Variants in AKT3 observed in about 807,000 individuals in gnomAD.
The protein encoded by AKT3 is AKT serine/threonine kinase 3, also known as RAC-gamma serine/threonine-protein kinase.
AKT3 carries 15 observed loss-of-function variants against 65.3 expected under a neutral mutation model. The observed-to-expected ratio is 0.23, with a 90% confidence interval of 0.15 to 0.35. The LOEUF is 0.35. Ranked by LOEUF, AKT3 falls within the 10% of genes least tolerant of loss-of-function variation. The pLI is 1.00. For synonymous variants in AKT3, 206 were observed against 183.8 expected, an observed-to-expected ratio of 1.12 and a Z score of -0.98; for missense variants, 243 against 576.5, an observed-to-expected ratio of 0.42 and a Z score of 5.92.
At chr1:243,624,987 C>A in intron 6 of AKT3, 1 of 354,900 alleles carries the variant, frequency 2.8e-6, no homozygotes, top group East Asian at 7.7e-5. Flanking sequence ...AAAGCCCATC[C>A]CTAGAGCCTT....
chr1:243,764,554 AAAGAG>A (rs1689696349), intron 2 of AKT3, among the ~76,000 whole-genome samples: 2 of 152,122 alleles, frequency 1.3e-5, no homozygotes, highest in South Asian at 4.1e-4. Context: ...TTTCAGTTTC[AAAGAG>A]AAGTACCATA....
At chr1:243,626,936 G>C (rs1401284665) in intron 6 of AKT3, among the ~76,000 whole-genome samples, 1 of 152,140 alleles carries the variant, frequency 6.6e-6, no homozygotes, top group African/African-American at 2.4e-5. Context: ...CAGGCTAAAT[G>C]AGAATCTGTG....
At chr1:243,624,332 T>C (rs367784254) in intron 6 of AKT3, among the ~76,000 whole-genome samples, 21 of 152,204 alleles carry the variant, frequency 1.4e-4, no homozygotes, top group African/African-American at 5.1e-4. Flanking sequence ...TGCAAAATGA[T>C]GAGAAACAAG....
chr1:243,620,444 T>C (rs1471368567), intron 6 of AKT3, among the ~76,000 whole-genome samples: 1 of 151,124 alleles, frequency 6.6e-6, no homozygotes, highest in African/African-American at 2.4e-5. Flanking sequence ...TGACACACTT[T>C]TACAAATTAA....
chr1:243,585,882 G>T (rs1036491335), intron 8 of AKT3, among the ~76,000 whole-genome samples: 16 of 152,100 alleles, frequency 1.1e-4, no homozygotes, highest in African/African-American at 3.9e-4. Flanking sequence ...ACCAAAAATC[G>T]ACAAGTGAGA....
At chr1:243,657,258 C>T (rs566999783) in intron 4 of AKT3, among the ~76,000 whole-genome samples, 2 of 152,128 alleles carry the variant, frequency 1.3e-5, no homozygotes, top group African/African-American at 2.4e-5. Context: ...TCTCTAGACA[C>T]TGAATTTGCC....
chr1:243,670,932 C>CA (rs1005131729), intron 3 of AKT3, among the ~76,000 whole-genome samples: 16 of 149,422 alleles, frequency 1.1e-4, no homozygotes, highest in Admixed American at 2.7e-4. Context: ...ATACATACAC[C>CA]AAAAAAAAAA....
At chr1:243,800,698 C>G (rs12034148) in intron 2 of AKT3, among the ~76,000 whole-genome samples, 32,032 of 150,556 alleles carry the variant, frequency 0.21, 3,610 homozygotes, top group East Asian at 0.32. Context: ...AGCCCAGCGA[C>G]AGAGTGAGAC....
intron 12 of AKT3, among the ~76,000 whole-genome samples, chr1:243,527,932 CACACAGAGAGAG>C (rs1194183948): frequency 3.0e-4 from 10 of 33,690 alleles, no homozygotes; most frequent in African/African-American, 8.6e-4. Context: ...CACACACACA[CACACAGAGAGAG>C]AGAGAGAGAG....
chr1:243,652,771 C>CAAAAAAAAAAAAAA lies in AKT3; in HGVS notation c.285-6748_285-6735dup, dbSNP rs371580711. Among the ~76,000 whole-genome samples the CAAAAAAAAAAAAAA allele has an allele frequency of 1.7e-3, 54 of 31,254 alleles. 1 individual carries two copies. Among genetic ancestry groups the CAAAAAAAAAAAAAA allele is most frequent in the Admixed American group, 3.3e-3 (7 of 2,120 alleles). 20.5% of individuals were successfully genotyped at this position (31,254 alleles called of 152,430 possible). On this transcript the variant is annotated intron_variant, in intron 4 of 13. Coordinates refer to ENST00000673466, the MANE Select transcript of AKT3 (RefSeq NM_005465.7). ...GAATATTTACCAAGCAAATAGAAAGCAAAAAAAAAAAAAAAAAAAAAAGCA... is the reference window on the plus strand; with the variant it reads ...GAATATTTACCAAGCAAATAGAAAGCAAAAAAAAAAAAAAAAAAAAAAAAAAAAAAAAAAAAGCA...
rs1378050626 is a variant in AKT3 at position 243,500,438 on chromosome 1, G to A, written c.*4811C>T. Reference sequence around the variant, plus strand: ...TTCTTCAATACGCAGTATTTGAGAGGAGCCTAAAAACGTACTTAGTGAAAT... The same window carrying A: ...TTCTTCAATACGCAGTATTTGAGAGAAGCCTAAAAACGTACTTAGTGAAAT... On this transcript the variant is annotated 3_prime_UTR_variant, in exon 14 of 14. Transcript: ENST00000673466. 1.3e-5 allele frequency: 3 copies of A among 226,132 alleles called. No homozygotes were observed. The highest frequency in any genetic ancestry group is 1.8e-4 in the South Asian group (1 of 5,466). The allele number at this position is 226,132 out of a possible 1,614,324, so 14.0% of individuals were successfully genotyped here.
chr1:243,731,528 T>C (rs1469858482), intron 2 of AKT3, among the ~76,000 whole-genome samples: 2 of 152,154 alleles, frequency 1.3e-5, no homozygotes, highest in East Asian at 3.8e-4. Context: ...GTTGCAGACT[T>C]GGAAGCTAGC....
At chr1:243,488,618 C>T (rs1212826451) in intron 13 of AKT3, among the ~76,000 whole-genome samples, 5 of 152,182 alleles carry the variant, frequency 3.3e-5, no homozygotes, top group Non-Finnish European at 7.4e-5. Context: ...AGTGTTTCCA[C>T]GGCCCTCACC....
chr1:243,562,357 G>C (rs775522274), intron 10 of AKT3, among the ~76,000 whole-genome samples: 15 of 152,144 alleles, frequency 9.9e-5, no homozygotes, highest in Non-Finnish European at 2.1e-4. Context: ...GGGGTTTCTT[G>C]CTGGAGTGAT....
intron 2 of AKT3, among the ~76,000 whole-genome samples, chr1:243,697,835 G>C (rs897008932): frequency 1.3e-5 from 2 of 151,918 alleles, no homozygotes; most frequent in Admixed American, 1.3e-4. Context: ...TTTCCTTGAG[G>C]TGATAATACT....
chr1:243,745,649 G>A (rs558947235), intron 2 of AKT3, among the ~76,000 whole-genome samples: 5 of 152,162 alleles, frequency 3.3e-5, no homozygotes, highest in South Asian at 2.1e-4. Context: ...CTTTGAATGC[G>A]CCTCAACACA....
At chr1:243,585,951 C>T (rs1675768315) in intron 8 of AKT3, among the ~76,000 whole-genome samples, 1 of 152,118 alleles carries the variant, frequency 6.6e-6, no homozygotes, top group African/African-American at 2.4e-5. Context: ...GGTAAACCTA[C>T]AGAATGGGAT....
At chr1:243,705,337 C>T (rs1336000148) in intron 2 of AKT3, among the ~76,000 whole-genome samples, 1 of 152,138 alleles carries the variant, frequency 6.6e-6, no homozygotes, top group Non-Finnish European at 1.5e-5. Context: ...GGCAACTTCT[C>T]TAAGATCTCA....
chr1:243,755,356 A>T (rs1268309399), intron 2 of AKT3, among the ~76,000 whole-genome samples: 1 of 151,752 alleles, frequency 6.6e-6, no homozygotes, highest in Non-Finnish European at 1.5e-5. Flanking sequence ...TTACAGGCAT[A>T]AGTCGCCGTG....
Sources: allele counts gnomAD v4.1 joint callset (sites outside exome capture counted in the v4.1 genomes callset), GRCh38; gene constraint gnomAD v4.1.1; transcripts MANE v1.5; gene names NCBI Gene and HGNC (gene_info 2026-07-23, HGNC 2026-07-21).